Variants in DLC1 observed in about 807,000 individuals in gnomAD.
DLC1 encodes the protein rho GTPase-activating protein 7.
A neutral mutation model predicts 140.3 loss-of-function variants in DLC1; 54 were observed. That is an observed-to-expected ratio of 0.38 (90% CI 0.31 to 0.48). The LOEUF is 0.48. Among genes scored for constraint, DLC1 ranks in the 20% least tolerant of loss-of-function variants. The probability of loss-of-function intolerance (pLI) is 0.96; values close to 1 mark genes in which losing one functional copy is unlikely to be tolerated. For synonymous variants in DLC1, 986 were observed against 728.1 expected, an observed-to-expected ratio of 1.35 and a Z score of -5.70; for missense variants, 2,536 against 1,907.0, an observed-to-expected ratio of 1.33 and a Z score of -6.14.
chr8:13,215,334 CCAA>C (rs1171404227), intron 5 of DLC1, among the ~76,000 whole-genome samples: 1 of 152,140 alleles, frequency 6.6e-6, no homozygotes. Context: ...GCCTGTAATC[CCAA>C]CATTTTGGGA....
chr8:13,558,187 G>A (rs1804119250), intron 1 of DLC1: 1 of 152,148 alleles, frequency 6.6e-6, no homozygotes, highest in Admixed American at 6.5e-5. Context: ...GGTGCTATAT[G>A]TCTTGAGTGC....
chr8:13,310,543 C>T (rs1258521776), intron 4 of DLC1, among the ~76,000 whole-genome samples: 2 of 152,008 alleles, frequency 1.3e-5, no homozygotes, highest in East Asian at 1.9e-4. Context: ...ACATGGGCAA[C>T]AGGAAGCGTT....
At chr8:13,543,685 T>C (rs951670998) in intron 1 of DLC1, among the ~76,000 whole-genome samples, 7 of 152,132 alleles carry the variant, frequency 4.6e-5, no homozygotes, top group Non-Finnish European at 7.4e-5. Context: ...AATAATGTCT[T>C]TTGTAGCAAC....
At chr8:13,332,726 C>G (rs1349961) in intron 4 of DLC1, among the ~76,000 whole-genome samples, 130,241 of 152,118 alleles carry the variant, frequency 0.86, 56,179 homozygotes, top group East Asian at 0.95. Context: ...GCCCACTATT[C>G]ATGGATTTTC....
intron 1 of DLC1, among the ~76,000 whole-genome samples, chr8:13,523,824 A>G (rs1033780387): frequency 2.0e-5 from 3 of 152,136 alleles, no homozygotes; most frequent in African/African-American, 4.8e-5. Context: ...GGATGGAAGA[A>G]TAACAGTATA....
At chr8:13,257,498 C>T (rs1029073480) in intron 5 of DLC1, among the ~76,000 whole-genome samples, 5 of 150,214 alleles carry the variant, frequency 3.3e-5, no homozygotes, top group African/African-American at 1.2e-4. Context: ...GTGAATATCA[C>T]TATAGCTATT....
chr8:13,243,767 G>C (rs991365057), intron 5 of DLC1, among the ~76,000 whole-genome samples: 2 of 152,162 alleles, frequency 1.3e-5, no homozygotes, highest in African/African-American at 4.8e-5. Flanking sequence ...CAAGTTACTA[G>C]CAACATCTGC....
At chr8:13,168,054 C>T (rs1825222043) in intron 5 of DLC1, among the ~76,000 whole-genome samples, 1 of 152,054 alleles carries the variant, frequency 6.6e-6, no homozygotes, top group African/African-American at 2.4e-5. Flanking sequence ...AAGAATCAGG[C>T]TAGATGTTGT....
At chr8:13,197,250 C>G (rs574594217) in intron 5 of DLC1, among the ~76,000 whole-genome samples, 7 of 152,278 alleles carry the variant, frequency 4.6e-5, no homozygotes, top group Admixed American at 3.3e-4. Flanking sequence ...AGAATTATAT[C>G]AACATAATTT....
At chr8:13,479,369 A>T (rs1207788817) in intron 2 of DLC1, among the ~76,000 whole-genome samples, 3 of 152,188 alleles carry the variant, frequency 2.0e-5, no homozygotes, top group African/African-American at 7.2e-5. Context: ...CAAAAATACA[A>T]AAAAAGGTCG....
At chr8:13,158,702 T>A (rs1412690018) in intron 5 of DLC1, among the ~76,000 whole-genome samples, 1 of 148,796 alleles carries the variant, frequency 6.7e-6, no homozygotes, top group African/African-American at 2.5e-5. Flanking sequence ...GTAATCTTTA[T>A]TGCTAGAGTT....
At chr8:13,364,449 C>T (rs529097359) in intron 4 of DLC1, among the ~76,000 whole-genome samples, 2 of 152,250 alleles carry the variant, frequency 1.3e-5, no homozygotes, top group African/African-American at 4.8e-5. Context: ...CAGGCATGTG[C>T]CACCACGCCA....
Position 13,428,719 on chromosome 8 carries a change from A to AT in DLC1, c.1024-27101dup, listed in dbSNP as rs58508354. ...AGAGTTAAAAACCTATGCAAGATGG[A>AT]TTTTTTTTTGCCATTTAACGTGATG... On this transcript the variant is annotated intron_variant, in intron 2 of 17. Coordinates refer to ENST00000276297, the MANE Select transcript of DLC1 (RefSeq NM_182643.3). Among the ~76,000 whole-genome samples, 1,107 of 151,472 alleles carry AT rather than the reference A, an allele frequency of 7.3e-3. 13 individuals are homozygous for AT. The highest frequency in any genetic ancestry group is 0.021 in the African/African-American group (862 of 41,262).
At chr8:13,288,892 T>A (rs11991709) in intron 5 of DLC1, among the ~76,000 whole-genome samples, 1 of 152,154 alleles carries the variant, frequency 6.6e-6, no homozygotes, top group African/African-American at 2.4e-5. Context: ...AAGCTAAAGG[T>A]TGTGGACTTA....
intron 1 of DLC1, among the ~76,000 whole-genome samples, chr8:13,554,038 C>A (rs1471694758): frequency 1.3e-5 from 2 of 151,954 alleles, no homozygotes; most frequent in African/African-American, 4.8e-5. Context: ...TCATTTCCTC[C>A]CATGGCTATA....
chr8:13,472,869 T>A (rs887436430), intron 2 of DLC1, among the ~76,000 whole-genome samples: 7 of 152,362 alleles, frequency 4.6e-5, no homozygotes, highest in Non-Finnish European at 8.8e-5. Flanking sequence ...TCTTCCTCTT[T>A]ATTTTTGGGC....
Position 13,319,789 on chromosome 8 carries a change from C to T in DLC1, c.1315-14487G>A, listed in dbSNP as rs1454394361. Among the ~76,000 whole-genome samples, 6 of 147,924 alleles carry T rather than the reference C, an allele frequency of 4.1e-5. No homozygotes were observed. In the East Asian group the frequency reaches 1.0e-3, roughly 25 times the overall value. On this transcript the variant is annotated intron_variant, in intron 4 of 17. Transcript: ENST00000276297. ...TAATACACCAACTTTTTTCAGTATCCTTCTCCAACCATTGTTTAATTCTCT... is the reference window on the plus strand; with the variant it reads ...TAATACACCAACTTTTTTCAGTATCTTTCTCCAACCATTGTTTAATTCTCT...
In DLC1 at chr8:13,084,378, C is replaced by T. The variant is rs1198095130; in HGVS notation, c.*1433G>A. 6.6e-6 allele frequency: 1 copy of T among 152,434 alleles called. No homozygotes were observed. The highest frequency in any genetic ancestry group is 1.5e-5 in the Non-Finnish European group (1 of 67,994). The allele number at this position is 152,434 out of a possible 1,614,324, so 9.4% of individuals were successfully genotyped here. On this transcript the variant is annotated 3_prime_UTR_variant, in exon 18 of 18. Transcript: ENST00000276297. ...AACTAAATTATAACAAAATAAAAAT[C>T]CTTCTTACAGCTCTCATTCATACAT...
Position 13,100,527 on chromosome 8 carries a change from G to A in DLC1, c.1810C>T (p.Pro604Ser), listed in dbSNP as rs528860221. 3 of 1,612,688 alleles carry A rather than the reference G, an allele frequency of 1.9e-6. No individual in the cohort carries two copies. The South Asian group carries it at 3.3e-5, about 18-fold the overall frequency. ...VRSLSSTGSL[P>S]SHAPPSEDAA... ...TCCTCGCTGGGGGGCGCGTGGCTGG[G>A]GAGGCTGCCAGTGCTGCTGAGGCTG... Residue 604 changes from proline to serine, a missense_variant, in exon 9 of 18, where the codon CCC (proline) becomes TCC (serine). Physicochemically the swap from Pro to Ser is moderately conservative, Grantham distance 74. Coordinates refer to ENST00000276297, the MANE Select transcript of DLC1 (RefSeq NM_182643.3).
Sources: allele counts gnomAD v4.1 joint callset (sites outside exome capture counted in the v4.1 genomes callset), GRCh38; gene constraint gnomAD v4.1.1; transcripts MANE v1.5; gene names NCBI Gene and HGNC (gene_info 2026-07-23, HGNC 2026-07-21).